CDH9: variants seen among roughly 807,000 people sequenced by gnomAD.
CDH9 encodes the protein cadherin-9.
CDH9 carries 28 observed loss-of-function variants against 70.9 expected under a neutral mutation model. The observed-to-expected ratio is 0.40, with a 90% CI of 0.29 to 0.54. The LOEUF (loss-of-function observed/expected upper bound fraction) is 0.54. Ranked by LOEUF, CDH9 falls within the 20% of genes least tolerant of loss-of-function variation. The pLI, the probability that CDH9 is intolerant of heterozygous loss-of-function variation, is 0.59. For synonymous variants in CDH9, 409 were observed against 343.1 expected, an observed-to-expected ratio of 1.19 and a Z score of -2.12; for missense variants, 874 against 984.4, an observed-to-expected ratio of 0.89 and a Z score of 1.50.
chr5:27,006,225 G>A (rs1168711712), intron 1 of CDH9, among the ~76,000 whole-genome samples: 1 of 151,952 alleles, frequency 6.6e-6, no homozygotes, highest in Admixed American at 6.6e-5. Context: ...TGAAAGAGAG[G>A]TTTAGATAAA....
At position 26,911,263 on chromosome 5, in the gene CDH9, C is replaced by T. The variant is rs149991135; in HGVS notation, c.523+4367G>A. Among the ~76,000 whole-genome samples the T allele has an allele frequency of 2.4e-3, 366 of 152,030 alleles. 2 individuals carry two copies. Among genetic ancestry groups the T allele is most frequent in the African/African-American group, 8.2e-3 (342 of 41,466 alleles). On this transcript the variant is annotated intron_variant, in intron 3 of 11. Coordinates refer to ENST00000231021, the MANE Select transcript of CDH9 (RefSeq NM_016279.4). The stretch of plus-strand genomic sequence containing the variant: ...TAGAAGTTGCTAATGACCACAAACC[C>T]GGTATGTGATAGAGCTGGACTAGGT...
At chr5:26,950,517 T>C (rs966455458) in intron 2 of CDH9, among the ~76,000 whole-genome samples, 1 of 152,196 alleles carries the variant, frequency 6.6e-6, no homozygotes, top group Admixed American at 6.5e-5. Flanking sequence ...GGAAGTAAAG[T>C]TGGTCTCATA....
intron 1 of CDH9, among the ~76,000 whole-genome samples, chr5:26,995,627 G>A (rs1021794776): frequency 2.6e-5 from 4 of 152,036 alleles, no homozygotes; most frequent in Non-Finnish European, 5.9e-5. Flanking sequence ...TTGGACAAAA[G>A]TGCACACCCA....
chr5:26,904,231 T>G, intron 5 of CDH9, among the ~76,000 whole-genome samples: 1 of 152,142 alleles, frequency 6.6e-6, no homozygotes, highest in Non-Finnish European at 1.5e-5. Context: ...TTTATTATTT[T>G]ATTCTAAATC....
chr5:27,037,844 G>A (rs1343161695), intron 1 of CDH9, among the ~76,000 whole-genome samples: 3 of 151,914 alleles, frequency 2.0e-5, no homozygotes, highest in Admixed American at 6.6e-5. Flanking sequence ...GTGTCGACCT[G>A]AGTGGGAGCC....
chr5:27,009,029 T>C (rs1472243386), intron 1 of CDH9, among the ~76,000 whole-genome samples: 1 of 152,112 alleles, frequency 6.6e-6, no homozygotes, highest in Non-Finnish European at 1.5e-5. Context: ...ACTTAGAAGA[T>C]AGAAATATTT....
intron 3 of CDH9, among the ~76,000 whole-genome samples, chr5:26,908,540 A>G (rs1421927036): frequency 6.6e-6 from 1 of 152,180 alleles, no homozygotes; most frequent in Admixed American, 6.5e-5. Context: ...TAACATGAAC[A>G]TTATTGTAAG....
intron 1 of CDH9, among the ~76,000 whole-genome samples, chr5:27,033,975 C>T (rs189320290): frequency 1.5e-4 from 23 of 151,516 alleles, no homozygotes; most frequent in South Asian, 1.0e-3. Context: ...ATACAGCTTC[C>T]GGTGTATATG....
In CDH9 at chr5:26,903,640, T is replaced by C. The variant is rs1004584547; in HGVS notation, c.996A>G (p.Lys332=). ...KDTQEGIITV[K]QNLDFENQML... ...GATGAAGACAGTGAAAAGAAACCTG[T>C]TTGACAGTTATAATCCCTTCCTGTG... is the stretch of plus-strand genomic sequence containing the variant. Residue 332 remains lysine (K), a synonymous_variant, in exon 6 of 12, where the codon AAA becomes AAG. Transcript: ENST00000231021. 1.8e-5 allele frequency: 29 copies of C among 1,594,882 alleles called. No individual in the cohort carries two copies. The highest frequency in any genetic ancestry group is 2.7e-5 in the African/African-American group (2 of 74,490).
intron 1 of CDH9, among the ~76,000 whole-genome samples, chr5:27,002,960 G>T (rs1368746133): frequency 2.6e-5 from 4 of 151,524 alleles, no homozygotes; most frequent in Non-Finnish European, 5.9e-5. Context: ...AAAATAAAAA[G>T]ACAAAAAAAA....
intron 2 of CDH9, among the ~76,000 whole-genome samples, chr5:26,963,711 G>A (rs1561020643): frequency 6.6e-6 from 1 of 152,038 alleles, no homozygotes; most frequent in Non-Finnish European, 1.5e-5. Context: ...GTGCACATTG[G>A]TGATTATGCC....
chr5:26,902,541 T>C lies in CDH9; in HGVS notation c.1188A>G (p.Val396=). The C allele has an allele frequency of 6.3e-7, 1 of 1,595,830 alleles. No individual in the cohort carries two copies. Among genetic ancestry groups the C allele is most frequent in the Non-Finnish European group, 8.6e-7 (1 of 1,163,808 alleles). ...VSYLIEVDED[V]KEGSIIGQVT... is the part of the protein sequence containing the mutation. ...CCTGTCCAATGATACTGCCCTCCTT[T>C]ACATCTTCATCTACTTCTATCAAGT... The change falls in exon 7 of 12, where the codon GTA becomes GTG. Residue 396 remains valine (V), a synonymous_variant. Coordinates refer to ENST00000231021, the MANE Select transcript of CDH9 (RefSeq NM_016279.4).
At chr5:26,893,877 T>G (rs1175423816) in intron 7 of CDH9, among the ~76,000 whole-genome samples, 1 of 152,110 alleles carries the variant, frequency 6.6e-6, no homozygotes, top group Non-Finnish European at 1.5e-5. Context: ...TGAAACAAAA[T>G]ATTATGTTTC....
intron 2 of CDH9, among the ~76,000 whole-genome samples, chr5:26,933,048 T>A: frequency 6.8e-6 from 1 of 147,360 alleles, no homozygotes; most frequent in East Asian, 1.9e-4. Context: ...ATATTTTACT[T>A]AAATATAAAT....
chr5:26,892,184 C>A (rs1740671687), intron 7 of CDH9, among the ~76,000 whole-genome samples: 1 of 152,142 alleles, frequency 6.6e-6, no homozygotes, highest in Non-Finnish European at 1.5e-5. Context: ...TATGAAAGTC[C>A]TTCAGTTACA....
rs796799417 is a variant in CDH9, at chr5:26,951,291, C to CAAAA, written c.229-35371_229-35368dup. On this transcript the variant is annotated intron_variant, in intron 2 of 11. Transcript: ENST00000231021. ...TGGGTGACAGAGCAAGACTCTGTCT[C>CAAAA]AAAAAAAAAAAAAAAAAAAAAAAAA... 3.1e-3 allele frequency among the ~76,000 whole-genome samples: 264 copies of CAAAA among 86,176 alleles called. 33 individuals are homozygous for CAAAA. The highest frequency in any genetic ancestry group is 0.013 in the African/African-American group (234 of 18,210). 56.5% of individuals were successfully genotyped at this position (86,176 alleles called of 152,430 possible).
intron 3 of CDH9, among the ~76,000 whole-genome samples, chr5:26,911,506 A>AAAAAC: frequency 6.6e-6 from 1 of 152,086 alleles, no homozygotes; most frequent in Non-Finnish European, 1.5e-5. Flanking sequence ...TAGGAAGAGG[A>AAAAAC]CTGGATAGGT....
intron 2 of CDH9, among the ~76,000 whole-genome samples, chr5:26,935,182 T>C (rs10072524): frequency 0.097 from 14,706 of 152,142 alleles, 895 homozygotes; most frequent in East Asian, 0.19. Flanking sequence ...TTCCAAAAGA[T>C]ATTCATGATA....
chr5:27,000,032 C>T (rs1043521087), intron 1 of CDH9, among the ~76,000 whole-genome samples: 1 of 151,826 alleles, frequency 6.6e-6, no homozygotes, highest in African/African-American at 2.4e-5. Flanking sequence ...AAAATGATAA[C>T]ATGGATTCTG....
Sources: allele counts gnomAD v4.1 joint callset (sites outside exome capture counted in the v4.1 genomes callset), GRCh38; gene constraint gnomAD v4.1.1; transcripts MANE v1.5; gene names NCBI Gene and HGNC (gene_info 2026-07-23, HGNC 2026-07-21).